MTUS1: variants seen among roughly 807,000 people sequenced by gnomAD.
MTUS1 encodes microtubule associated scaffold protein 1, also known as microtubule-associated tumor suppressor 1.
In MTUS1, 109 loss-of-function variants were observed where a neutral mutation model predicts 120.8. The observed-to-expected ratio is 0.90, with a 90% CI of 0.77 to 1.06. MTUS1 has a LOEUF of 1.06. Among genes scored for constraint, MTUS1 ranks in the 50% least tolerant of loss-of-function variants. MTUS1 has a pLI of 0.00. For synonymous variants in MTUS1, 737 were observed against 550.5 expected, an observed-to-expected ratio of 1.34 and a Z score of -4.74; for missense variants, 2,210 against 1,486.3, an observed-to-expected ratio of 1.49 and a Z score of -8.01.
At chr8:17,771,153 T>C (rs542456693) in intron 1 of MTUS1, among the ~76,000 whole-genome samples, 1 of 152,118 alleles carries the variant, frequency 6.6e-6, no homozygotes. Context: ...CCTTTAAACT[T>C]AGGAACTTCA....
intron 1 of MTUS1, among the ~76,000 whole-genome samples, chr8:17,788,075 C>T (rs566844880): frequency 1.8e-4 from 27 of 152,040 alleles, no homozygotes; most frequent in Non-Finnish European, 3.4e-4. Flanking sequence ...GAGCCGAGAT[C>T]GTGCCCTTGC....
Position 17,645,161 on chromosome 8 carries a change from T to TA in MTUS1, c.*764dup, listed in dbSNP as rs1805538967. 6.6e-6 allele frequency: 1 copy of TA among 152,488 alleles called. No homozygotes were observed. Among genetic ancestry groups the TA allele is most frequent in the African/African-American group, 2.4e-5 (1 of 41,420 alleles). The allele number at this position is 152,488 out of a possible 1,614,324, so 9.4% of individuals were successfully genotyped here. A position where few individuals can be genotyped will look rare whatever the true frequency, so the allele number is the denominator to read the frequency against. ...ATAGTGTTAGGCTCACATGGGTAAG[T>TA]AAAAAATCTACAGAAAAATCTAGTT... On this transcript the variant is annotated 3_prime_UTR_variant, in exon 15 of 15. Transcript: ENST00000693296.
intron 8 of MTUS1, chr8:17,674,592 G>C: frequency 1.0e-6 from 1 of 985,876 alleles, no homozygotes; most frequent in Non-Finnish European, 1.2e-6. Flanking sequence ...CTGCAGGGCT[G>C]GGTGGTGGGT....
chr8:17,752,045 A>T (rs2048241545), intron 2 of MTUS1, among the ~76,000 whole-genome samples: 1 of 152,136 alleles, frequency 6.6e-6, no homozygotes, highest in South Asian at 2.1e-4. Flanking sequence ...ACATACTAGG[A>T]TCCATTTCAA....
chr8:17,789,716 G>A (rs2051612764), intron 1 of MTUS1, among the ~76,000 whole-genome samples: 2 of 152,134 alleles, frequency 1.3e-5, no homozygotes, highest in African/African-American at 4.8e-5. Context: ...CTGCTAGCAA[G>A]AGTTCTTTAA....
chr8:17,678,110 C>T (rs923613216), intron 7 of MTUS1, among the ~76,000 whole-genome samples: 1 of 152,276 alleles, frequency 6.6e-6, no homozygotes, highest in Non-Finnish European at 1.5e-5. Flanking sequence ...CCCCAGTGCC[C>T]ATACTGTAAA....
At chr8:17,780,566 T>G (rs1369646641) in intron 1 of MTUS1, among the ~76,000 whole-genome samples, 1 of 152,144 alleles carries the variant, frequency 6.6e-6, no homozygotes, top group East Asian at 1.9e-4. Context: ...ATAATCTGCC[T>G]CTTTCCCTCT....
At chr8:17,661,285 A>G (rs1809636765) in intron 8 of MTUS1, among the ~76,000 whole-genome samples, 1 of 152,172 alleles carries the variant, frequency 6.6e-6, no homozygotes. Context: ...GAGAAATTCT[A>G]GTTTCACGCA....
At position 17,715,819 on chromosome 8, in the gene MTUS1, C is replaced by A. The variant is rs761286365; in HGVS notation, c.2532G>T (p.Leu844Phe). ...CATGAGCCCTGGATACCAAAGGCTTCAAATAAAAGGATCCTGAGGAACCAT... is the reference window on the plus strand; with the variant it reads ...CATGAGCCCTGGATACCAAAGGCTTAAAATAAAAGGATCCTGAGGAACCAT... ...FQNGSSGSFY[L>F]KPLVSRAHVH... is the part of the protein sequence containing the mutation. Residue 844 changes from leucine to phenylalanine, a missense_variant, in exon 5 of 15, where the codon TTG (leucine) becomes TTT (phenylalanine). Physicochemically the swap from Leu to Phe is conservative, Grantham distance 22 (BLOSUM62 0). Coordinates refer to ENST00000693296, the MANE Select transcript of MTUS1 (RefSeq NM_001363059.2). 16 of 1,614,022 alleles carry A rather than the reference C, an allele frequency of 9.9e-6. No individual in the cohort carries two copies. The highest frequency in any genetic ancestry group is 1.4e-5 in the Non-Finnish European group (16 of 1,179,946).
At chr8:17,736,165 C>G (rs973480460) in intron 3 of MTUS1, among the ~76,000 whole-genome samples, 7 of 152,214 alleles carry the variant, frequency 4.6e-5, no homozygotes, top group Admixed American at 3.3e-4. Flanking sequence ...ATGAGTCATT[C>G]CACAAAGCAA....
rs2130651984 is a variant in MTUS1 at position 17,675,223 on chromosome 8, G to C, written c.2868C>G (p.Thr956=). The part of the protein sequence containing the change: ...EREEALKQHK[T]LSQELVNLRG... ...GGAGGTTAACAAGTTCTTGAGATAG[G>C]GTTTTGTGTTGTTTCAGTGCTTCCT... The change falls in exon 8 of 15, where the codon ACC becomes ACG. Residue 956 remains threonine, a synonymous_variant. Transcript: ENST00000693296. The C allele has an allele frequency of 2.5e-6, 4 of 1,614,046 alleles. No homozygotes were observed. The highest frequency in any genetic ancestry group is 3.4e-6 in the Non-Finnish European group (4 of 1,179,994).
intron 4 of MTUS1, among the ~76,000 whole-genome samples, chr8:17,717,172 C>A (rs766465331): frequency 6.6e-6 from 1 of 152,174 alleles, no homozygotes; most frequent in African/African-American, 2.4e-5. Context: ...TCATTGTTCT[C>A]GTGCCCAAAT....
intron 8 of MTUS1, chr8:17,674,535 T>C (rs1812674471): frequency 1.0e-6 from 1 of 985,638 alleles, no homozygotes; most frequent in Non-Finnish European, 1.2e-6. Context: ...AATAACAGCG[T>C]AGCCTGGAAA....
At chr8:17,708,133 T>A (rs962564419) in intron 6 of MTUS1, among the ~76,000 whole-genome samples, 16 of 152,356 alleles carry the variant, frequency 1.1e-4, no homozygotes, top group African/African-American at 3.1e-4. Flanking sequence ...ATTTAAAACG[T>A]TTATGTTTCC....
chr8:17,658,654 A>G (rs1007935725), intron 8 of MTUS1, among the ~76,000 whole-genome samples: 1 of 152,214 alleles, frequency 6.6e-6, no homozygotes, highest in Admixed American at 6.5e-5. Flanking sequence ...TTGGAAAGGA[A>G]TAACATATCA....
chr8:17,733,120 G>A (rs570085694), intron 3 of MTUS1, among the ~76,000 whole-genome samples: 2 of 152,156 alleles, frequency 1.3e-5, no homozygotes, highest in African/African-American at 2.4e-5. Context: ...GAAGGCCGAG[G>A]TGGGTGGATC....
At chr8:17,725,594 T>C (rs971730430) in intron 3 of MTUS1, among the ~76,000 whole-genome samples, 2 of 152,324 alleles carry the variant, frequency 1.3e-5, no homozygotes, top group East Asian at 3.9e-4. Context: ...ATTGGACTCC[T>C]AAAATCCTGT....
Position 17,755,223 on chromosome 8 carries a change from C to T in MTUS1, c.585G>A (p.Arg195=). 6.2e-7 allele frequency: 1 copy of T among 1,614,170 alleles called. No individual in the cohort carries two copies. Among genetic ancestry groups the T allele is most frequent in the Non-Finnish European group, 8.5e-7 (1 of 1,180,024 alleles). Residue 195 remains arginine, a synonymous_variant, in exon 2 of 15, where the codon AGG becomes AGA. Transcript: ENST00000693296. ...HTAGSLPPTG[R]RSGSTSSLSY... ...ATAAAGAAGATGTACTTCCACTTCT[C>T]CTACCAGTTGGTGGCAGGCTTCCAG...
chr8:17,793,051 T>A (rs1421727604), intron 1 of MTUS1, among the ~76,000 whole-genome samples: 1 of 150,786 alleles, frequency 6.6e-6, no homozygotes, highest in Non-Finnish European at 1.5e-5. Flanking sequence ...TGCAAAGTTA[T>A]CTGAATTCCT....
Sources: allele counts gnomAD v4.1 joint callset (sites outside exome capture counted in the v4.1 genomes callset), GRCh38; gene constraint gnomAD v4.1.1; transcripts MANE v1.5; gene names NCBI Gene and HGNC (gene_info 2026-07-23, HGNC 2026-07-21).